RAB3GAP1: variants seen among roughly 807,000 people sequenced by gnomAD.
The protein encoded by RAB3GAP1 is RAB3 GTPase activating protein catalytic subunit 1.
In RAB3GAP1, 86 loss-of-function variants were observed where a neutral mutation model predicts 130.7. The ratio of observed to expected loss-of-function variants is 0.66; its 90% CI spans 0.55 to 0.79. RAB3GAP1 has a LOEUF of 0.79. RAB3GAP1 is among the 30% of genes least tolerant of loss of function. The pLI is 0.00. For missense variants in RAB3GAP1, 1,029 were observed against 1,169.4 expected, an observed-to-expected ratio of 0.88 and a Z score of 1.75; for synonymous variants, 367 against 401.7, an observed-to-expected ratio of 0.91 and a Z score of 1.03.
intron 17 of RAB3GAP1, among the ~76,000 whole-genome samples, chr2:135,148,346 A>T (rs1193731495): frequency 6.6e-6 from 1 of 152,224 alleles, no homozygotes; most frequent in Non-Finnish European, 1.5e-5. Context: ...GAATTCGAAC[A>T]TACTTCTGTG....
At chr2:135,124,603 T>C (rs1691298117) in intron 9 of RAB3GAP1, among the ~76,000 whole-genome samples, 1 of 152,166 alleles carries the variant, frequency 6.6e-6, no homozygotes, top group Non-Finnish European at 1.5e-5. Flanking sequence ...AGGCAGAGGT[T>C]GCAGTGAGCT....
At chr2:135,065,229 C>G (rs1342665613) in intron 3 of RAB3GAP1, among the ~76,000 whole-genome samples, 2 of 152,130 alleles carry the variant, frequency 1.3e-5, no homozygotes, top group African/African-American at 4.8e-5. Flanking sequence ...TTTCTGCTTC[C>G]CGAGTTGTAC....
chr2:135,128,914 G>T (rs1286994546), intron 11 of RAB3GAP1, among the ~76,000 whole-genome samples: 1 of 152,204 alleles, frequency 6.6e-6, no homozygotes, highest in African/African-American at 2.4e-5. Flanking sequence ...ATTTTGAGAG[G>T]TCGAGGCAGG....
At chr2:135,136,809 C>T in intron 17 of RAB3GAP1, 1 of 741,916 alleles carries the variant, frequency 1.3e-6, no homozygotes, top group Non-Finnish European at 1.9e-6. Flanking sequence ...AAAGGTTGGT[C>T]CCAGACCAGG....
chr2:135,058,832 T>G lies in RAB3GAP1; in HGVS notation c.150+746T>G, dbSNP rs552062546. On this transcript the variant is annotated intron_variant, in intron 3 of 23. Transcript: ENST00000264158. ...AGATAAATTCTTTTGAAATAAAATT[T>G]ATGGTTGGTTTTATTACAACTCAAT... 3 of 152,280 alleles carry G rather than the reference T, an allele frequency of 2.0e-5. No homozygotes were observed. The South Asian group carries it at 6.2e-4, about 32-fold the overall frequency. 9.4% of individuals were successfully genotyped at this position (152,280 alleles called of 1,614,324 possible). A position where few individuals can be genotyped will look rare whatever the true frequency, so the allele number is the denominator to read the frequency against.
rs1214688390 is a variant in RAB3GAP1 at position 135,081,327 on chromosome 2, AATATATATATAT to A, written c.151-9647_151-9636del. 2.8e-4 allele frequency among the ~76,000 whole-genome samples: 18 copies of A among 64,048 alleles called. 1 individual carries two copies. The highest frequency in any genetic ancestry group is 1.2e-3 in the African/African-American group (13 of 10,902). 42.0% of individuals were successfully genotyped at this position (64,048 alleles called of 152,430 possible). A position where few individuals can be genotyped will look rare whatever the true frequency, so the allele number is the denominator to read the frequency against. On this transcript the variant is annotated intron_variant, in intron 3 of 23. Coordinates refer to ENST00000264158, the MANE Select transcript of RAB3GAP1 (RefSeq NM_012233.3). Reference sequence around the variant, plus strand: ...GTCTCAAAAAAAAAAAAAAAAAAAAAATATATATATATATATATATATATATATATATATACA... The same window carrying A: ...GTCTCAAAAAAAAAAAAAAAAAAAAAATATATATATATATATATATATACA...
At chr2:135,129,742 AT>A (rs1412058174) in intron 11 of RAB3GAP1, among the ~76,000 whole-genome samples, 1 of 151,946 alleles carries the variant, frequency 6.6e-6, no homozygotes, top group Non-Finnish European at 1.5e-5. Context: ...AGGTACAGTT[AT>A]TTTTTTCTTT....
At chr2:135,100,033 C>G (rs938722518) in intron 5 of RAB3GAP1, among the ~76,000 whole-genome samples, 6 of 152,040 alleles carry the variant, frequency 3.9e-5, no homozygotes, top group African/African-American at 1.4e-4. Context: ...AGCCTAGTTT[C>G]TGGGTGTAGA....
At chr2:135,074,903 A>G (rs1689579959) in intron 3 of RAB3GAP1, among the ~76,000 whole-genome samples, 1 of 152,180 alleles carries the variant, frequency 6.6e-6, no homozygotes, top group Non-Finnish European at 1.5e-5. Context: ...GGGGCCATGT[A>G]TGGACGAGAT....
In RAB3GAP1 at chr2:135,107,975, CAAAAAAA is replaced by C. The variant is rs59782185; in HGVS notation, c.363-5155_363-5149del. Among the ~76,000 whole-genome samples the C allele has an allele frequency of 6.0e-4, 31 of 51,936 alleles. No individual in the cohort carries two copies. The East Asian group carries it at 8.9e-3, about 15-fold the overall frequency. The allele number at this position is 51,936 out of a possible 152,430, so 34.1% of individuals were successfully genotyped here. Reference sequence around the variant, plus strand: ...GGGCAAGAAGAGTGAAACTCCATCTCAAAAAAAAAAAAAAAAAAAAAAAAAAACTACA... The same window carrying C: ...GGGCAAGAAGAGTGAAACTCCATCTCAAAAAAAAAAAAAAAAAAAACTACA... On this transcript the variant is annotated intron_variant, in intron 5 of 23. Coordinates refer to ENST00000264158, the MANE Select transcript of RAB3GAP1 (RefSeq NM_012233.3).
rs144378327 is a variant in RAB3GAP1, at chr2:135,170,474, G to C, written c.*1693G>C. On this transcript the variant is annotated 3_prime_UTR_variant, in exon 24 of 24. Transcript: ENST00000264158. ...ATGATAGTTATGTATTTATTTCACA[G>C]ATATATTTAAGTACCCACTTTGTGT... The C allele has an allele frequency of 9.9e-5, 15 of 152,252 alleles. No individual in the cohort carries two copies. In the East Asian group the frequency reaches 2.3e-3, roughly 23 times the overall value. The allele number at this position is 152,252 out of a possible 1,614,324, so 9.4% of individuals were successfully genotyped here. A position where few individuals can be genotyped will look rare whatever the true frequency, so the allele number is the denominator to read the frequency against.
In RAB3GAP1 at chr2:135,059,462, G is replaced by C. The variant is rs370801464; in HGVS notation, c.150+1376G>C. Among the ~76,000 whole-genome samples, 33 of 152,250 alleles carry C rather than the reference G, an allele frequency of 2.2e-4. No homozygotes were observed. In the South Asian group the frequency reaches 5.8e-3, roughly 27 times the overall value. ...GTGTTGCCATTGAACATAAATTCTAGTGAGGGTGATCAGTAAAGAAACATT... is the reference window on the plus strand; with the variant it reads ...GTGTTGCCATTGAACATAAATTCTACTGAGGGTGATCAGTAAAGAAACATT... On this transcript the variant is annotated intron_variant, in intron 3 of 23. Transcript: ENST00000264158.
chr2:135,095,338 G>A (rs1028851137), intron 5 of RAB3GAP1, among the ~76,000 whole-genome samples: 19 of 152,272 alleles, frequency 1.2e-4, no homozygotes, highest in Admixed American at 2.6e-4. Context: ...GTGAGCCACC[G>A]CGCCCGGCCG....
At chr2:135,166,646 C>A (rs1385754247) in intron 23 of RAB3GAP1, among the ~76,000 whole-genome samples, 2 of 152,030 alleles carry the variant, frequency 1.3e-5, no homozygotes, top group Non-Finnish European at 2.9e-5. Context: ...AGCTATCACA[C>A]CTGGCCTAGA....
intron 5 of RAB3GAP1, among the ~76,000 whole-genome samples, chr2:135,096,079 C>T (rs1171118707): frequency 1.3e-5 from 2 of 152,204 alleles, no homozygotes; most frequent in African/African-American, 2.4e-5. Context: ...GGACTATTTA[C>T]ATCACATTTA....
chr2:135,163,175 A>G, intron 22 of RAB3GAP1, 74 bp downstream of exon 22: 2 of 952,890 alleles, frequency 2.1e-6, no homozygotes, highest in East Asian at 4.8e-5. Context: ...AAATTGTAAT[A>G]GGATATTAAG....
intron 5 of RAB3GAP1, among the ~76,000 whole-genome samples, chr2:135,103,127 C>T (rs1172104927): frequency 6.9e-6 from 1 of 144,462 alleles, no homozygotes; most frequent in Non-Finnish European, 1.5e-5. Context: ...ACCTCTGCCT[C>T]CTGGGTTCAA....
intron 17 of RAB3GAP1, among the ~76,000 whole-genome samples, chr2:135,147,203 G>C (rs374782144): frequency 1.3e-5 from 2 of 151,930 alleles, no homozygotes; most frequent in Non-Finnish European, 2.9e-5. Flanking sequence ...AAAATTAGCT[G>C]GGCATGGTGG....
In RAB3GAP1 at chr2:135,150,426, T is replaced by C. The variant is rs1347640283; in HGVS notation, c.1981T>C (p.Leu661=). 3 of 1,614,200 alleles carry C rather than the reference T, an allele frequency of 1.9e-6. No homozygotes were observed. In the Admixed American group the frequency reaches 5.0e-5, roughly 27 times the overall value. ...LEEQSEVLAK[L]GTSAEGAHLR... ...AGAGCAGTCTGAAGTTTTAGCTAAA[T>C]TAGGTACATCGGCAGAGGGGGCTCA... Residue 661 remains leucine, a synonymous_variant, in exon 18 of 24, where the codon TTA becomes CTA. Transcript: ENST00000264158.
Sources: gnomAD v4.1 joint callset for allele counts (sites outside exome capture counted in the v4.1 genomes callset) on GRCh38, gnomAD v4.1.1 for gene constraint, MANE v1.5 for transcripts, NCBI Gene and HGNC (gene_info 2026-07-23, HGNC 2026-07-21) for gene names.